The following STPG2 variants were observed in gnomAD, a reference collection of about 807,000 sequenced individuals.
STPG2 encodes the protein sperm-tail PG-rich repeat-containing protein 2.
Under a neutral mutation model 54.2 loss-of-function variants are expected in STPG2, and 56 were observed. The observed-to-expected ratio is 1.03, with a 90% CI of 0.83 to 1.29. The LOEUF is 1.29. Ranked by LOEUF, STPG2 falls within the 50% of genes most tolerant of loss-of-function variation. The pLI, the probability that STPG2 is intolerant of heterozygous loss-of-function variation, is 0.00. For synonymous variants in STPG2, 200 were observed against 181.8 expected (o/e 1.10, Z -0.81); for missense variants, 596 against 544.9 (o/e 1.09, Z -0.93).
intron 3 of STPG2, among the ~76,000 whole-genome samples, chr4:98,119,740 C>T (rs912895931): frequency 1.3e-5 from 2 of 152,038 alleles, no homozygotes; most frequent in African/African-American, 4.8e-5. Flanking sequence ...TCTCCATCCC[C>T]CAAACCTACC....
At chr4:97,994,467 A>T (rs1735133679) in intron 5 of STPG2, among the ~76,000 whole-genome samples, 1 of 152,140 alleles carries the variant, frequency 6.6e-6, no homozygotes, top group African/African-American at 2.4e-5. Context: ...ATGCTCTGTA[A>T]ATATCTGTTA....
At chr4:97,938,380 G>A (rs1008991912) in intron 8 of STPG2, among the ~76,000 whole-genome samples, 8 of 151,882 alleles carry the variant, frequency 5.3e-5, no homozygotes, top group East Asian at 1.9e-4. Flanking sequence ...TTAGGCAGCC[G>A]GCAGCTGCAG....
chr4:97,508,314 T>C (rs1179654276), intron 4 of STPG2, among the ~76,000 whole-genome samples: 1 of 152,138 alleles, frequency 6.6e-6, no homozygotes, highest in Non-Finnish European at 1.5e-5. Flanking sequence ...CATGGAACAT[T>C]CACCAGAGTT....
At chr4:97,665,856 GCA>G (rs1296404444) in intron 10 of STPG2, among the ~76,000 whole-genome samples, 1 of 152,092 alleles carries the variant, frequency 6.6e-6, no homozygotes, top group Non-Finnish European at 1.5e-5. Flanking sequence ...ACTGCCCTGA[GCA>G]CACACACACC....
intron 9 of STPG2, among the ~76,000 whole-genome samples, chr4:97,799,280 A>G (rs147021172): frequency 0.044 from 6,657 of 152,222 alleles, 10 homozygotes; most frequent in Middle Eastern, 0.068. Flanking sequence ...CCTAGCATCG[A>G]TGGTCTTTAC....
chr4:97,742,238 T>C (rs1002191517), intron 9 of STPG2, among the ~76,000 whole-genome samples: 43 of 151,654 alleles, frequency 2.8e-4, no homozygotes, highest in African/African-American at 9.9e-4. Flanking sequence ...GAAGGAGGGA[T>C]AGCATTAGGA....
intron 9 of STPG2, among the ~76,000 whole-genome samples, chr4:97,794,109 A>T (rs1428534070): frequency 6.6e-6 from 1 of 152,122 alleles, no homozygotes; most frequent in African/African-American, 2.4e-5. Context: ...TAAAAGTTAC[A>T]TATAAAATAA....
At chr4:97,565,079 C>T (rs967154985) in intron 10 of STPG2, among the ~76,000 whole-genome samples, 25 of 152,168 alleles carry the variant, frequency 1.6e-4, no homozygotes, top group African/African-American at 2.4e-4. Context: ...ACCAATCAGA[C>T]GTAGATTTGG....
intron 4 of STPG2, among the ~76,000 whole-genome samples, chr4:97,547,703 T>C (rs564829057): frequency 6.6e-6 from 1 of 152,040 alleles, no homozygotes; most frequent in Non-Finnish European, 1.5e-5. Flanking sequence ...GCAGACAAAC[T>C]AGAGAAATGT....
chr4:97,949,559 C>A (rs1263462042), intron 7 of STPG2, among the ~76,000 whole-genome samples: 2 of 151,998 alleles, frequency 1.3e-5, no homozygotes, highest in East Asian at 3.9e-4. Flanking sequence ...GCTTTTGTTT[C>A]AAGATTTAGA....
chr4:97,940,400 T>G (rs1732932114), intron 8 of STPG2, among the ~76,000 whole-genome samples: 1 of 152,180 alleles, frequency 6.6e-6, no homozygotes, highest in South Asian at 2.1e-4. Flanking sequence ...GTTTTCCAAG[T>G]TGTTTGCTTT....
intron 9 of STPG2, among the ~76,000 whole-genome samples, chr4:97,736,361 G>A (rs986347919): frequency 6.6e-6 from 1 of 152,142 alleles, no homozygotes; most frequent in Non-Finnish European, 1.5e-5. Context: ...GTGGGCGCAG[G>A]ACAGTGGGTG....
At chr4:97,748,396 A>T (rs1004294670) in intron 9 of STPG2, among the ~76,000 whole-genome samples, 2 of 151,718 alleles carry the variant, frequency 1.3e-5, no homozygotes, top group Non-Finnish European at 1.5e-5. Flanking sequence ...AAGAACAGAA[A>T]GGTTAGTGCA....
chr4:97,940,162 G>A (rs910751062), intron 8 of STPG2, among the ~76,000 whole-genome samples: 2 of 150,336 alleles, frequency 1.3e-5, no homozygotes, highest in Admixed American at 1.3e-4. Context: ...TCAGCTGAGA[G>A]TCGGCTGTTA....
At chr4:97,991,876 A>G (rs561568919) in intron 5 of STPG2, among the ~76,000 whole-genome samples, 12 of 151,726 alleles carry the variant, frequency 7.9e-5, no homozygotes, top group African/African-American at 2.4e-4. Flanking sequence ...GCATTTTTTC[A>G]TATGTTTGTT....
chr4:98,076,843 C>G (rs1490156216), intron 5 of STPG2, among the ~76,000 whole-genome samples: 1 of 152,010 alleles, frequency 6.6e-6, no homozygotes, highest in Non-Finnish European at 1.5e-5. Flanking sequence ...CAATTAAAAC[C>G]TACATATACA....
chr4:97,623,832 C>T (rs1472124756), intron 10 of STPG2, among the ~76,000 whole-genome samples: 1 of 152,098 alleles, frequency 6.6e-6, no homozygotes, highest in Non-Finnish European at 1.5e-5. Context: ...TTTTCCCCTC[C>T]CTGTATCCAT....
At chr4:97,939,252 T>C (rs765455378) in intron 8 of STPG2, among the ~76,000 whole-genome samples, 9 of 152,218 alleles carry the variant, frequency 5.9e-5, no homozygotes, top group Non-Finnish European at 1.2e-4. Flanking sequence ...TTTCAGAGTA[T>C]GTGCCATGTG....
intron 4 of STPG2, among the ~76,000 whole-genome samples, chr4:97,472,696 A>T (rs1290926684): frequency 6.6e-6 from 1 of 152,236 alleles, no homozygotes. Flanking sequence ...AGCCATGAAA[A>T]GACAAGGAGG....
Sources: allele counts gnomAD v4.1 joint callset (sites outside exome capture counted in the v4.1 genomes callset), GRCh38; gene constraint gnomAD v4.1.1; transcripts MANE v1.5; gene names NCBI Gene and HGNC (gene_info 2026-07-23, HGNC 2026-07-21).